The following DAPK2 variants were observed in gnomAD, a reference collection of about 807,000 sequenced individuals.
DAPK2 encodes the protein death-associated protein kinase 2.
DAPK2 carries 35 observed loss-of-function variants against 44.1 expected under a neutral mutation model. The observed-to-expected ratio is 0.79, with a 90% CI of 0.61 to 1.05. DAPK2 has a LOEUF of 1.05. DAPK2 is among the 50% of genes least tolerant of loss of function. DAPK2 has a pLI of 0.00. For synonymous variants in DAPK2, 174 were observed against 182.6 expected (o/e 0.95, Z 0.38); for missense variants, 453 against 483.2 (o/e 0.94, Z 0.59).
chr15:64,045,961 C>T (rs934194886), intron 1 of DAPK2, among the ~76,000 whole-genome samples: 6 of 152,344 alleles, frequency 3.9e-5, no homozygotes, highest in African/African-American at 1.4e-4. Context: ...GGCCGGGAGC[C>T]GGGCGTGCTC....
chr15:63,912,272 C>A lies in DAPK2; in HGVS notation c.859-75G>T. The A allele has an allele frequency of 6.9e-7, 1 of 1,456,840 alleles. No homozygotes were observed. The highest frequency in any genetic ancestry group is 2.3e-5 in the East Asian group (1 of 43,244). 90.2% of individuals were successfully genotyped at this position (1,456,840 alleles called of 1,614,324 possible). A position where few individuals can be genotyped will look rare whatever the true frequency, so the allele number is the denominator to read the frequency against. On this transcript the variant is annotated intron_variant, in intron 8 of 10. Transcript: ENST00000261891. This position sits in a 1 kb window ranked among gnomAD's most constrained non-coding sequence, Gnocchi z 4.4. ...GCCACCCTCCTCGCCGCAGAACTCC[C>A]CACCCACCGCATGCCCACCGCCCTT...
Position 63,990,386 on chromosome 15 carries a change from C to T in DAPK2, c.93-6632G>A, listed in dbSNP as rs1484926028. On this transcript the variant is annotated intron_variant, in intron 1 of 10. Coordinates refer to ENST00000261891, the Ensembl canonical transcript of DAPK2. The surrounding 1 kb of genome is among the most constrained non-coding windows in gnomAD (Gnocchi z 4.3). Reference sequence around the variant, plus strand: ...GAGGTTGCAGTGAGCTGAGATCGCACCGCTGCACTCCAGCCTGGGTGACAG... The same window carrying T: ...GAGGTTGCAGTGAGCTGAGATCGCATCGCTGCACTCCAGCCTGGGTGACAG... Among the ~76,000 whole-genome samples the T allele has an allele frequency of 1.3e-5, 2 of 151,894 alleles. No homozygotes were observed. The highest frequency in any genetic ancestry group is 6.6e-5 in the Admixed American group (1 of 15,236).
chr15:63,985,912 G>T (rs778746270), intron 1 of DAPK2, among the ~76,000 whole-genome samples: 5 of 152,208 alleles, frequency 3.3e-5, no homozygotes, highest in African/African-American at 1.2e-4. Flanking sequence ...TTCTCTTTGC[G>T]AGACAGCTGT....
At chr15:63,995,598 C>T (rs1400007967) in intron 1 of DAPK2, among the ~76,000 whole-genome samples, 1 of 152,244 alleles carries the variant, frequency 6.6e-6, no homozygotes, top group Non-Finnish European at 1.5e-5. Context: ...CATTGCTGGT[C>T]ACATTGTTGG....
chr15:63,930,326 C>T (rs545620545), intron 5 of DAPK2, 81 bp downstream of exon 6: 21 of 1,332,784 alleles, frequency 1.6e-5, no homozygotes, highest in East Asian at 2.3e-5. Context: ...CATGGTTAAG[C>T]GGATGTCACC....
At position 63,990,976 on chromosome 15, in the gene DAPK2, C is replaced by A. The variant is rs982754813; in HGVS notation, c.93-7222G>T. On this transcript the variant is annotated intron_variant, in intron 1 of 10. Coordinates refer to ENST00000261891, the Ensembl canonical transcript of DAPK2. This position sits in a 1 kb window ranked among gnomAD's most constrained non-coding sequence, Gnocchi z 4.3. Reference sequence around the variant, plus strand: ...TGCCTGGCCAGGCTCCACTGTGGAGCCTCTGTGGCTGACCCTGTCCTTATT... The same window carrying A: ...TGCCTGGCCAGGCTCCACTGTGGAGACTCTGTGGCTGACCCTGTCCTTATT... Among the ~76,000 whole-genome samples, 1 of 152,066 alleles carries A rather than the reference C, an allele frequency of 6.6e-6. No individual in the cohort carries two copies. The highest frequency in any genetic ancestry group is 1.5e-5 in the Non-Finnish European group (1 of 68,012).
At chr15:64,032,082 T>C (rs1212690304) in intron 1 of DAPK2, among the ~76,000 whole-genome samples, 1 of 152,200 alleles carries the variant, frequency 6.6e-6, no homozygotes, top group Non-Finnish European at 1.5e-5. Context: ...ATAAAAGGCC[T>C]GGGCTGGACA....
chr15:63,935,570 G>A (rs1321252661), intron 4 of DAPK2: 1 of 151,962 alleles, frequency 6.6e-6, no homozygotes, highest in Non-Finnish European at 1.5e-5. Context: ...GCTTTGTCTT[G>A]GTACCCTTCA....
At chr15:64,030,979 T>TACACACACACACACACACAC (rs71131201) in intron 1 of DAPK2, among the ~76,000 whole-genome samples, 2 of 140,182 alleles carry the variant, frequency 1.4e-5, no homozygotes, top group African/African-American at 5.4e-5. Flanking sequence ...AATACACACA[T>TACACACACACACACACACAC]ACACACACAC....
chr15:63,927,332 G>C (rs1308511248), intron 6 of DAPK2, among the ~76,000 whole-genome samples: 2 of 152,132 alleles, frequency 1.3e-5, no homozygotes, highest in Non-Finnish European at 2.9e-5. Flanking sequence ...CCACACTTAA[G>C]GTTTACCGTT....
intron 3 of DAPK2, among the ~76,000 whole-genome samples, chr15:63,951,525 T>C (rs1436678096): frequency 6.6e-6 from 1 of 152,170 alleles, no homozygotes; most frequent in African/African-American, 2.4e-5. Flanking sequence ...ACCAGGATGA[T>C]TTCCACTCTG....
chr15:63,939,106 T>G lies in DAPK2; in HGVS notation c.583+126A>C. ...CATTTCCTTCCCCACCCATTAGGTT[T>G]CTAGAGATGTCCCAATGCATCATCT... On this transcript the variant is annotated intron_variant, in intron 4 of 10. Coordinates refer to ENST00000261891, the Ensembl canonical transcript of DAPK2. The surrounding 1 kb of genome is among the most constrained non-coding windows in gnomAD (Gnocchi z 4.3). The G allele has an allele frequency of 3.4e-6, 5 of 1,475,196 alleles. No homozygotes were observed. Among genetic ancestry groups the G allele is most frequent in the Non-Finnish European group, 4.5e-6 (5 of 1,103,234 alleles). 91.4% of individuals were successfully genotyped at this position (1,475,196 alleles called of 1,614,324 possible).
intron 1 of DAPK2, among the ~76,000 whole-genome samples, chr15:64,023,328 G>T (rs4776282): frequency 0.15 from 22,822 of 152,194 alleles, 1,868 homozygotes; most frequent in South Asian, 0.35. Context: ...TAAGGAAAAG[G>T]TGGCCACTGA....
At chr15:64,007,000 G>A (rs2079248215) in intron 1 of DAPK2, among the ~76,000 whole-genome samples, 1 of 152,180 alleles carries the variant, frequency 6.6e-6, no homozygotes, top group South Asian at 2.1e-4. Flanking sequence ...CTGCAGGGGA[G>A]AGGATCTAAA....
intron 3 of DAPK2, among the ~76,000 whole-genome samples, chr15:63,946,131 C>T (rs578021127): frequency 3.9e-5 from 6 of 152,378 alleles, no homozygotes; most frequent in Non-Finnish European, 8.8e-5. Context: ...GGCAGAAATA[C>T]CCTTGTCAAA....
chr15:63,960,636 T>C (rs1162778127), intron 3 of DAPK2, among the ~76,000 whole-genome samples: 3 of 152,248 alleles, frequency 2.0e-5, no homozygotes, highest in African/African-American at 7.2e-5. Context: ...AGCAAGTTGT[T>C]CAGTTTCCAT....
chr15:63,952,775 C>T (rs141086257), intron 3 of DAPK2, among the ~76,000 whole-genome samples: 110 of 152,206 alleles, frequency 7.2e-4, no homozygotes, highest in African/African-American at 2.5e-3. Flanking sequence ...TATCCATCAT[C>T]TCAAGCATTT....
At chr15:63,946,484 C>T (rs569953409) in intron 3 of DAPK2, among the ~76,000 whole-genome samples, 4 of 152,206 alleles carry the variant, frequency 2.6e-5, no homozygotes, top group African/African-American at 4.8e-5. Flanking sequence ...TACTGAGCCA[C>T]GGGGTTGTTC....
rs781469472 is a variant in DAPK2 at position 63,911,866 on chromosome 15, A to AC, written c.1032+41dup. 1.2e-5 allele frequency: 19 copies of AC among 1,597,522 alleles called. No homozygotes were observed. The Middle Eastern group carries it at 5.0e-4, about 42-fold the overall frequency. ...CTCACCCATCCCTGAGCTCCAGGCT[A>AC]CCCCAGAATTCTGCCCAAGAAGAGG... On this transcript the variant is annotated intron_variant, in intron 10 of 10. Coordinates refer to ENST00000261891, the Ensembl canonical transcript of DAPK2.
Sources: gnomAD v4.1 joint callset for allele counts (sites outside exome capture counted in the v4.1 genomes callset) on GRCh38, gnomAD v4.1.1 for gene constraint, Gnocchi (gnomAD v3.1) non-coding constraint, MANE v1.5 for transcripts, NCBI Gene and HGNC (gene_info 2026-07-23, HGNC 2026-07-21) for gene names.